The following ZNF420 variants were observed in gnomAD, a reference collection of about 807,000 sequenced individuals.
ZNF420 encodes the protein ATM and p53-associated KZNF protein.
A neutral mutation model predicts 44.7 loss-of-function variants in ZNF420; 31 were observed. That is an observed-to-expected ratio of 0.69 (90% CI 0.52 to 0.94). The LOEUF is 0.94. Ranked by LOEUF, ZNF420 falls within the 40% of genes least tolerant of loss-of-function variation. The probability of loss-of-function intolerance (pLI) is 0.00; values close to 1 mark genes in which losing one functional copy is unlikely to be tolerated. For missense variants in ZNF420, 681 were observed against 827.9 expected, an observed-to-expected ratio of 0.82 and a Z score of 2.18; for synonymous variants, 245 against 267.4, an observed-to-expected ratio of 0.92 and a Z score of 0.82.
intron 4 of ZNF420, chr19:37,091,393 A>T: frequency 4.2e-6 from 1 of 239,016 alleles, no homozygotes; most frequent in South Asian, 9.3e-5. Flanking sequence ...TGGCAGATAA[A>T]ACAGCCTATA....
At chr19:37,011,284 A>C (rs2074567186) in intron 1 of ZNF420, among the ~76,000 whole-genome samples, 1 of 152,186 alleles carries the variant, frequency 6.6e-6, no homozygotes, top group South Asian at 2.1e-4. Flanking sequence ...AGCTCTGGGC[A>C]TCCATACCTG....
intron 2 of ZNF420, among the ~76,000 whole-genome samples, chr19:37,082,295 T>C (rs1968512512): frequency 6.6e-6 from 1 of 152,168 alleles, no homozygotes; most frequent in Non-Finnish European, 1.5e-5. Context: ...CCCAAGTAGC[T>C]GGGATTACAG....
In ZNF420 at chr19:37,104,836, G is replaced by A. The variant is rs148709478; in HGVS notation, c.136+13715G>A. On this transcript the variant is annotated intron_variant, in intron 4 of 4. Coordinates refer to ENST00000337995, the MANE Select transcript of ZNF420 (RefSeq NM_144689.5). ...GAAGTGTCTGTTCATATCCTTTGCCGACTTTTTGATGGGGTTGTTTTCTTC... is the reference window on the plus strand; with the variant it reads ...GAAGTGTCTGTTCATATCCTTTGCCAACTTTTTGATGGGGTTGTTTTCTTC... Among the ~76,000 whole-genome samples the A allele has an allele frequency of 8.8e-3, 1,340 of 152,160 alleles. 20 individuals carry two copies. The highest frequency in any genetic ancestry group is 0.03 in the African/African-American group (1,256 of 41,532).
chr19:37,035,608 C>T (rs1245789830), intron 1 of ZNF420, among the ~76,000 whole-genome samples: 5 of 152,132 alleles, frequency 3.3e-5, no homozygotes, highest in Non-Finnish European at 7.3e-5. Context: ...AGGGTTCTGC[C>T]TGGATTTGCA....
intron 4 of ZNF420, among the ~76,000 whole-genome samples, chr19:37,104,560 C>T (rs1239296254): frequency 6.6e-6 from 1 of 152,190 alleles, no homozygotes; most frequent in African/African-American, 2.4e-5. Context: ...GGAATTGCCA[C>T]ATTGTCTTCC....
intron 1 of ZNF420, among the ~76,000 whole-genome samples, chr19:37,059,251 A>AGCC (rs1967821609): frequency 6.8e-6 from 1 of 147,134 alleles, no homozygotes; most frequent in African/African-American, 2.4e-5. Context: ...CCCCGGATCC[A>AGCC]GCCGCCGCCG....
intron 4 of ZNF420, among the ~76,000 whole-genome samples, chr19:37,115,924 C>G (rs1970655156): frequency 1.3e-5 from 2 of 152,090 alleles, no homozygotes. Flanking sequence ...TGACTTTTAA[C>G]AAGCACGCTG....
In ZNF420 at chr19:37,091,089, T is replaced by A. The variant is rs1177634699; in HGVS notation, c.104T>A (p.Met35Lys). ...CAGAGAGATTTGTATAGAGATGTGATGTTGGAGAACTATAGCAACTTGGTA... is the reference window on the plus strand; with the variant it reads ...CAGAGAGATTTGTATAGAGATGTGAAGTTGGAGAACTATAGCAACTTGGTA... The part of the protein sequence containing the change: ...SAQRDLYRDV[M>K]LENYSNLVSL... The change falls in exon 4 of 5, where the codon ATG becomes AAG. Residue 35 changes from methionine to lysine, a missense_variant. Transcript: ENST00000337995. The A allele has an allele frequency of 6.9e-6, 11 of 1,604,088 alleles. No homozygotes were observed. Among genetic ancestry groups the A allele is most frequent in the Non-Finnish European group, 9.3e-6 (11 of 1,176,554 alleles).
chr19:37,037,656 C>T (rs962059743), intron 1 of ZNF420, among the ~76,000 whole-genome samples: 26 of 152,230 alleles, frequency 1.7e-4, no homozygotes, highest in African/African-American at 5.5e-4. Flanking sequence ...GAAGACTTTC[C>T]GGAGACTCTC....
At chr19:37,066,434 C>CAAAA (rs201752057) in intron 1 of ZNF420, among the ~76,000 whole-genome samples, 74 of 141,308 alleles carry the variant, frequency 5.2e-4, no homozygotes, top group African/African-American at 1.9e-3. Flanking sequence ...GAGTCTGTCT[C>CAAAA]AAAAAAAAAA....
intron 4 of ZNF420, among the ~76,000 whole-genome samples, chr19:37,103,980 CTT>C (rs59756045): frequency 1.1e-3 from 147 of 139,170 alleles, no homozygotes; most frequent in African/African-American, 2.5e-3. Flanking sequence ...TTTTTTTTGT[CTT>C]TTTTTTTTTT....
chr19:37,104,913 G>A (rs1969991989), intron 4 of ZNF420, among the ~76,000 whole-genome samples: 1 of 152,036 alleles, frequency 6.6e-6, no homozygotes, highest in South Asian at 2.1e-4. Context: ...TTGTCAGATG[G>A]GTAGATTGCA....
chr19:37,033,793 A>G (rs968415384), intron 1 of ZNF420, among the ~76,000 whole-genome samples: 8 of 152,064 alleles, frequency 5.3e-5, no homozygotes, highest in African/African-American at 1.9e-4. Context: ...GTCTCACTCT[A>G]TCGCCCAGGC....
chr19:37,116,354 G>A (rs1175335322), intron 4 of ZNF420, among the ~76,000 whole-genome samples: 1 of 130,096 alleles, frequency 7.7e-6, no homozygotes, highest in Non-Finnish European at 1.5e-5. Context: ...GGGCAACAGA[G>A]CAGGACTCCA....
At chr19:37,022,695 A>G (rs1404741191) in intron 1 of ZNF420, among the ~76,000 whole-genome samples, 1 of 152,338 alleles carries the variant, frequency 6.6e-6, no homozygotes, top group South Asian at 2.1e-4. Context: ...ATAGTGTTCC[A>G]TGTTTTTTTC....
At chr19:37,123,398 G>T (rs1483135022) in intron 4 of ZNF420, among the ~76,000 whole-genome samples, 1 of 151,992 alleles carries the variant, frequency 6.6e-6, no homozygotes, top group Non-Finnish European at 1.5e-5. Flanking sequence ...TTGTAAAATG[G>T]TTTATTTCTA....
At position 37,091,098 on chromosome 19, in the gene ZNF420, A is replaced by G; in HGVS notation, c.113A>G (p.Asn38Ser). ...TTGTATAGAGATGTGATGTTGGAGAACTATAGCAACTTGGTATCACTAGGT... is the reference window on the plus strand; with the variant it reads ...TTGTATAGAGATGTGATGTTGGAGAGCTATAGCAACTTGGTATCACTAGGT... ...RDLYRDVMLENYSNLVSLDLP... is the reference protein window; with the variant it reads ...RDLYRDVMLESYSNLVSLDLP... The change falls in exon 4 of 5, where the codon AAC becomes AGC. Residue 38 changes from asparagine to serine, a missense_variant. Around this residue, in one of 3 missense-constraint regions of ZNF420, gnomAD observed 350 missense variants for 382.5 expected, o/e 0.92. Transcript: ENST00000337995. The G allele has an allele frequency of 6.3e-7, 1 of 1,594,612 alleles. No individual in the cohort carries two copies. Among genetic ancestry groups the G allele is most frequent in the Non-Finnish European group, 8.5e-7 (1 of 1,172,084 alleles).
At chr19:37,095,203 G>A (rs934222071) in intron 4 of ZNF420, among the ~76,000 whole-genome samples, 20 of 151,786 alleles carry the variant, frequency 1.3e-4, no homozygotes, top group African/African-American at 4.1e-4. Flanking sequence ...TGCCATTGCC[G>A]GTGAATTTAA....
chr19:37,087,420 G>T (rs956363594), intron 2 of ZNF420, among the ~76,000 whole-genome samples: 36 of 151,988 alleles, frequency 2.4e-4, no homozygotes, highest in African/African-American at 8.7e-4. Context: ...AAGAAATTAT[G>T]ACTTTTCATC....
Sources: gnomAD v4.1 joint callset for allele counts (sites outside exome capture counted in the v4.1 genomes callset) on GRCh38, gnomAD v4.1.1 for gene constraint, gnomAD v4.1.1 regional missense constraint, MANE v1.5 for transcripts, NCBI Gene and HGNC (gene_info 2026-07-23, HGNC 2026-07-21) for gene names.